LZTFL1: variants seen among roughly 807,000 people sequenced by gnomAD.
LZTFL1 encodes the protein leucine zipper transcription factor like 1, also known as leucine zipper transcription factor-like protein 1.
LZTFL1 carries 25 observed loss-of-function variants against 45.9 expected under a neutral mutation model. The observed-to-expected ratio is 0.54, with a 90% CI of 0.40 to 0.76. The LOEUF is 0.76. Among genes scored for constraint, LZTFL1 ranks in the 30% least tolerant of loss-of-function variants. LZTFL1 has a pLI of 0.00. For synonymous variants in LZTFL1, 93 were observed against 117.4 expected, an observed-to-expected ratio of 0.79 and a Z score of 1.35; for missense variants, 277 against 331.1, an observed-to-expected ratio of 0.84 and a Z score of 1.27.
chr3:45,901,720 G>C lies in LZTFL1; in HGVS notation c.-215+11400C>G, dbSNP rs201726828. ...CAGACCATCGCCTTCTTCCACAGTT[G>C]CCTGAACCCTGTTCTCTATGTTTTT... On this transcript the variant is annotated intron_variant, in intron 2 of 4. Transcript: ENST00000472635. This position sits in a 1 kb window ranked among gnomAD's most constrained non-coding sequence, Gnocchi z 4.3. 6.2e-7 allele frequency: 1 copy of C among 1,614,016 alleles called. No homozygotes were observed. Among genetic ancestry groups the C allele is most frequent in the African/African-American group, 1.3e-5 (1 of 74,890 alleles).
chr3:45,854,730 T>C (rs1049930415), intron 4 of LZTFL1, among the ~76,000 whole-genome samples: 3 of 152,232 alleles, frequency 2.0e-5, no homozygotes, highest in Non-Finnish European at 4.4e-5. Flanking sequence ...CTTGGTCTCA[T>C]TCTACCACCA....
At chr3:45,850,859 C>T (rs1272955438) in intron 4 of LZTFL1, among the ~76,000 whole-genome samples, 1 of 152,132 alleles carries the variant, frequency 6.6e-6, no homozygotes, top group African/African-American at 2.4e-5. Flanking sequence ...TCTGCTGCTC[C>T]CTCTTCTCCA....
chr3:45,903,133 C>T (rs1477934078), intron 2 of LZTFL1: 1 of 167,010 alleles, frequency 6.0e-6, no homozygotes, highest in Non-Finnish European at 1.5e-5. Context: ...TACCCTGTCT[C>T]AATATTTTAA....
chr3:45,861,492 A>G (rs368998767), intron 2 of LZTFL1, among the ~76,000 whole-genome samples: 1 of 152,286 alleles, frequency 6.6e-6, no homozygotes, highest in African/African-American at 2.4e-5. Context: ...CTACAGCTTT[A>G]ATGTGTGCTG....
In LZTFL1 at chr3:45,897,663, C is replaced by T; in HGVS notation, c.-215+15457G>A. On this transcript the variant is annotated intron_variant, in intron 2 of 4. Coordinates refer to the LZTFL1 transcript ENST00000472635. The stretch of plus-strand genomic sequence containing the variant: ...ACTAACACAGCTAAGTGATGCTGGC[C>T]TTCCCACCTGCCCCCTCTCATTTGT... 2.0e-6 allele frequency: 3 copies of T among 1,467,692 alleles called. No individual in the cohort carries two copies. The South Asian group carries it at 3.8e-5, about 18-fold the overall frequency. 90.9% of individuals were successfully genotyped at this position (1,467,692 alleles called of 1,614,324 possible). A position where few individuals can be genotyped will look rare whatever the true frequency, so the allele number is the denominator to read the frequency against.
At chr3:45,878,035 C>T (rs1336543258) in intron 2 of LZTFL1, among the ~76,000 whole-genome samples, 1 of 152,132 alleles carries the variant, frequency 6.6e-6, no homozygotes, top group Non-Finnish European at 1.5e-5. Context: ...CATGAGCCAC[C>T]GCGCCCAGCC....
chr3:45,849,907 T>A (rs1435801266), intron 4 of LZTFL1, among the ~76,000 whole-genome samples: 1 of 152,204 alleles, frequency 6.6e-6, no homozygotes, highest in Non-Finnish European at 1.5e-5. Context: ...AGAAAAAATT[T>A]GCATTTTAAG....
At chr3:45,899,947 A>G (rs1274268135) in intron 2 of LZTFL1, among the ~76,000 whole-genome samples, 1 of 152,162 alleles carries the variant, frequency 6.6e-6, no homozygotes, top group Non-Finnish European at 1.5e-5. Flanking sequence ...ATATGTGTGT[A>G]TATATGTGTG....
At chr3:45,827,750 C>T (rs530168407) in intron 8 of LZTFL1, among the ~76,000 whole-genome samples, 27 of 152,224 alleles carry the variant, frequency 1.8e-4, no homozygotes, top group Admixed American at 1.0e-3. Context: ...ACTAATTTTC[C>T]TGTAAAATAA....
intron 2 of LZTFL1, chr3:45,883,711 C>T: frequency 1.7e-6 from 1 of 573,642 alleles, no homozygotes; most frequent in South Asian, 2.4e-5. Context: ...CCAGAAAAGG[C>T]TAAAGCTGAA....
chr3:45,848,877 ATTTCCGTGAG>A lies in LZTFL1; in HGVS notation c.-49+6099_-49+6108del, dbSNP rs1701264139. ...TTAATTAAAATCCGAATTTTTTGAT[ATTTCCGTGAG>A]TTTTTTCAAATAGTCAAAAATCTCC... On this transcript the variant is annotated intron_variant, in intron 4 of 4. Transcript: ENST00000472635. Among the ~76,000 whole-genome samples, 3 of 152,196 alleles carry A rather than the reference ATTTCCGTGAG, an allele frequency of 2.0e-5. No homozygotes were observed. The South Asian group carries it at 6.2e-4, about 31-fold the overall frequency.
At chr3:45,856,626 C>T (rs1052713136) in intron 3 of LZTFL1, among the ~76,000 whole-genome samples, 41 of 152,108 alleles carry the variant, frequency 2.7e-4, no homozygotes, top group Admixed American at 2.3e-3. Flanking sequence ...TGTTTTCAAT[C>T]GATCCATCTA....
chr3:45,857,419 G>A lies in LZTFL1; in HGVS notation c.-138+1521C>T, dbSNP rs146679413. Among the ~76,000 whole-genome samples the A allele has an allele frequency of 5.9e-4, 90 of 152,218 alleles. 1 individual carries two copies. Among genetic ancestry groups the A allele is most frequent in the African/African-American group, 2.0e-3 (83 of 41,528 alleles). ...CAGGATAAATAGCTAATTCATGTGA[G>A]GTGTAATATCTAGGTGATGGGTTGA... On this transcript the variant is annotated intron_variant, in intron 3 of 4. Transcript: ENST00000472635.
intron 2 of LZTFL1, among the ~76,000 whole-genome samples, chr3:45,861,788 G>T (rs1327371131): frequency 6.6e-6 from 1 of 152,102 alleles, no homozygotes; most frequent in Non-Finnish European, 1.5e-5. Context: ...ACGTCTCTTA[G>T]TGTAACTAAG....
chr3:45,903,157 A>C (rs200734788), intron 2 of LZTFL1: 4 of 167,114 alleles, frequency 2.4e-5, no homozygotes, highest in Non-Finnish European at 5.9e-5. Flanking sequence ...TGTGCAATTA[A>C]AGATCAAATA....
chr3:45,867,413 G>A (rs1166714924), intron 2 of LZTFL1, among the ~76,000 whole-genome samples: 1 of 151,950 alleles, frequency 6.6e-6, no homozygotes, highest in African/African-American at 2.4e-5. Context: ...CCAAATTCCC[G>A]CAATTCAAGT....
chr3:45,912,252 CT>C (rs1381392564), intron 2 of LZTFL1, among the ~76,000 whole-genome samples: 1 of 152,154 alleles, frequency 6.6e-6, no homozygotes, highest in African/African-American at 2.4e-5. Context: ...GGGTGTTTTA[CT>C]GAAGATGAAA....
chr3:45,844,033 C>G (rs1005065849), upstream of LZTFL1, among the ~76,000 whole-genome samples: 1 of 152,060 alleles, frequency 6.6e-6, no homozygotes, highest in South Asian at 2.1e-4. Context: ...GCACACAAGT[C>G]CATTTTTTAC....
chr3:45,864,254 A>G (rs577425153), intron 2 of LZTFL1, among the ~76,000 whole-genome samples: 13 of 152,378 alleles, frequency 8.5e-5, no homozygotes, highest in Non-Finnish European at 1.6e-4. Context: ...AGAGTAGCAT[A>G]TTAGTTCAAA....
Sources: gnomAD v4.1 joint callset for allele counts (sites outside exome capture counted in the v4.1 genomes callset) on GRCh38, gnomAD v4.1.1 for gene constraint, Gnocchi (gnomAD v3.1) non-coding constraint, MANE v1.5 for transcripts, NCBI Gene and HGNC (gene_info 2026-07-23, HGNC 2026-07-21) for gene names.